The following PCDHA7 variants were observed in gnomAD, a reference collection of about 807,000 sequenced individuals.
The protein encoded by PCDHA7 is protocadherin alpha-7.
A neutral mutation model predicts 57.2 loss-of-function variants in PCDHA7; 37 were observed. The observed-to-expected ratio is 0.65, with a 90% CI of 0.50 to 0.85. PCDHA7 has a LOEUF of 0.85. PCDHA7 is among the 40% of genes least tolerant of loss of function. PCDHA7 has a pLI of 0.00. For synonymous variants in PCDHA7, 553 were observed against 558.8 expected, an observed-to-expected ratio of 0.99 and a Z score of 0.15; for missense variants, 1,188 against 1,241.8, an observed-to-expected ratio of 0.96 and a Z score of 0.65.
intron 1 of PCDHA7, chr5:140,875,638 C>G (rs2055668574): frequency 6.2e-7 from 1 of 1,613,532 alleles, no homozygotes; most frequent in Non-Finnish European, 8.5e-7. Context: ...GGGGCTGGAG[C>G]TGGCGGAGCT....
intron 1 of PCDHA7, among the ~76,000 whole-genome samples, chr5:140,899,462 T>C (rs2067338282): frequency 6.6e-6 from 1 of 152,366 alleles, no homozygotes; most frequent in Admixed American, 6.5e-5. Context: ...GTGGTTTTTG[T>C]CTTTGGTTCT....
chr5:140,972,270 G>T (rs2096527606), intron 1 of PCDHA7, among the ~76,000 whole-genome samples: 2 of 151,190 alleles, frequency 1.3e-5, no homozygotes, highest in African/African-American at 4.9e-5. Context: ...CTCCTGAGTA[G>T]CTTGGACCAT....
intron 1 of PCDHA7, chr5:140,863,004 G>A (rs1236967953): frequency 1.8e-6 from 1 of 551,012 alleles, no homozygotes; most frequent in African/African-American, 1.9e-5. Flanking sequence ...GTGGACTCCA[G>A]CTATGACGCC....
At chr5:140,968,419 T>C (rs372766707) in intron 1 of PCDHA7, 37 of 1,613,898 alleles carry the variant, frequency 2.3e-5, no homozygotes, top group Non-Finnish European at 3.0e-5. Context: ...CTGTGGAGGC[T>C]CAGGACAAGG....
At chr5:140,941,987 G>A (rs1315027422) in intron 1 of PCDHA7, among the ~76,000 whole-genome samples, 1 of 152,104 alleles carries the variant, frequency 6.6e-6, no homozygotes, top group Non-Finnish European at 1.5e-5. Flanking sequence ...ACCTTGATAA[G>A]GGATTCATAT....
intron 1 of PCDHA7, 159 bp downstream of exon 1, chr5:140,836,897 G>C: frequency 3.3e-6 from 2 of 603,578 alleles, no homozygotes; most frequent in Non-Finnish European, 5.5e-6. Flanking sequence ...TTGGAAGTAC[G>C]TTTAATATAC....
intron 1 of PCDHA7, among the ~76,000 whole-genome samples, chr5:140,873,949 C>G (rs1161044001): frequency 1.3e-5 from 2 of 152,218 alleles, no homozygotes; most frequent in Non-Finnish European, 1.5e-5. Flanking sequence ...GTGTAAGTCA[C>G]TGAGCCCAGC....
chr5:140,852,911 C>G lies in PCDHA7; in HGVS notation c.2355+16173C>G, dbSNP rs2150524968. ...TTTTTTTTTTTGAGTCAGAGTCTCG[C>G]TCTGTTGCCCAGGCTGGAGTGCAGT... On this transcript the variant is annotated intron_variant, in intron 1 of 3. Transcript: ENST00000525929. The G allele has an allele frequency of 3.8e-6, 3 of 791,732 alleles. 1 individual carries two copies. The South Asian group carries it at 1.7e-4, about 44-fold the overall frequency. The allele number at this position is 791,732 out of a possible 1,614,324, so 49.0% of individuals were successfully genotyped here. A position where few individuals can be genotyped will look rare whatever the true frequency, so the allele number is the denominator to read the frequency against.
intron 1 of PCDHA7, chr5:140,877,261 G>T: frequency 6.2e-7 from 1 of 1,613,814 alleles, no homozygotes; most frequent in South Asian, 1.1e-5. Context: ...AGTGCGCGCG[G>T]TGGACGCTGA....
At chr5:140,920,959 T>G (rs2079949518) in intron 1 of PCDHA7, among the ~76,000 whole-genome samples, 1 of 152,072 alleles carries the variant, frequency 6.6e-6, no homozygotes, top group Non-Finnish European at 1.5e-5. Flanking sequence ...ACTACACATG[T>G]AGTACTAGAG....
chr5:141,002,656 C>T lies in PCDHA7; in HGVS notation c.2504-6971C>T, dbSNP rs115710244. Among the ~76,000 whole-genome samples the T allele has an allele frequency of 3.7e-3, 571 of 152,302 alleles. 5 individuals are homozygous for T. The highest frequency in any genetic ancestry group is 0.013 in the African/African-American group (539 of 41,574). On this transcript the variant is annotated intron_variant, in intron 3 of 3. Coordinates refer to ENST00000525929, the MANE Select transcript of PCDHA7 (RefSeq NM_018910.3). The stretch of plus-strand genomic sequence containing the variant: ...CTAGAAATGTCTACTTCATAGGGCT[C>T]TTGTCAGGACCAAAACCTATACGAC...
intron 1 of PCDHA7, chr5:140,861,587 G>A (rs781869263): frequency 4.3e-5 from 16 of 374,992 alleles, no homozygotes; most frequent in Middle Eastern, 1.0e-3. Context: ...TCCATGTGGA[G>A]GTGAAAGTGA....
At position 140,924,046 on chromosome 5, in the gene PCDHA7, C is replaced by T. The variant is rs59270862; in HGVS notation, c.2356-54903C>T. Among the ~76,000 whole-genome samples, 1,259 of 152,276 alleles carry T rather than the reference C, an allele frequency of 8.3e-3. 10 individuals are homozygous for T. The highest frequency in any genetic ancestry group is 0.029 in the African/African-American group (1,206 of 41,556). ...AGGCATGGCTGCAGACCTAAAAGTT[C>T]GGTACATCTTTACAGTTGTATTTCA... is the stretch of plus-strand genomic sequence containing the variant. On this transcript the variant is annotated intron_variant, in intron 1 of 3. Coordinates refer to ENST00000525929, the MANE Select transcript of PCDHA7 (RefSeq NM_018910.3).
rs2150425327 is a variant in PCDHA7 at position 140,848,932 on chromosome 5, G to T, written c.2355+12194G>T. The T allele has an allele frequency of 3.7e-6, 6 of 1,607,494 alleles. No individual in the cohort carries two copies. In the African/African-American group the frequency reaches 8.1e-5, roughly 22 times the overall value. ...AAGAATCTGTTCATCGCGGAATCCA[G>T]GCCGCTTGACTCTCGGTTTCCACTA... On this transcript the variant is annotated intron_variant, in intron 1 of 3. Transcript: ENST00000525929.
intron 1 of PCDHA7, among the ~76,000 whole-genome samples, chr5:140,962,957 C>T (rs915413264): frequency 1.3e-5 from 2 of 152,014 alleles, no homozygotes; most frequent in Non-Finnish European, 2.9e-5. Flanking sequence ...ATGCTCTATC[C>T]CTATATAGGA....
At chr5:140,848,292 C>T in intron 1 of PCDHA7, 3 of 640,268 alleles carry the variant, frequency 4.7e-6, no homozygotes, top group Non-Finnish European at 8.2e-6. Context: ...ACACTTTGGG[C>T]CACGTGATGT....
At chr5:140,847,743 C>T (rs2150239198) in intron 1 of PCDHA7, 1 of 149,792 alleles carries the variant, frequency 6.7e-6, no homozygotes, top group East Asian at 1.9e-4. Flanking sequence ...TATTTTCTCC[C>T]CACGCAACAC....
At position 140,849,556 on chromosome 5, in the gene PCDHA7, C is replaced by G. The variant is rs2150440514; in HGVS notation, c.2355+12818C>G. On this transcript the variant is annotated intron_variant, in intron 1 of 3. Coordinates refer to ENST00000525929, the MANE Select transcript of PCDHA7 (RefSeq NM_018910.3). ...AATGCTCCACAGTTGACTATCAAAA[C>G]GCTCTCGGTTCCTGTAAAAGAGGAC... 3.1e-6 allele frequency: 5 copies of G among 1,598,518 alleles called. 1 individual carries two copies. In the Middle Eastern group the frequency reaches 5.0e-4, roughly 160 times the overall value.
intron 1 of PCDHA7, chr5:140,851,226 A>G (rs2041995732): frequency 3.5e-6 from 4 of 1,139,724 alleles, no homozygotes; most frequent in Non-Finnish European, 4.5e-6. Context: ...CATCACTATC[A>G]TTTATTTATT....
Sources: allele counts gnomAD v4.1 joint callset (sites outside exome capture counted in the v4.1 genomes callset), GRCh38; gene constraint gnomAD v4.1.1; transcripts MANE v1.5; gene names NCBI Gene and HGNC (gene_info 2026-07-23, HGNC 2026-07-21).